The following SETBP1 variants were observed in gnomAD, a reference collection of about 807,000 sequenced individuals.
SETBP1 encodes the protein SET-binding protein.
Under a neutral mutation model 101.0 loss-of-function variants are expected in SETBP1, and 9 were observed. That is an observed-to-expected ratio of 0.09 (90% CI 0.05 to 0.16). The LOEUF (loss-of-function observed/expected upper bound fraction) is 0.16. Ranked by LOEUF, SETBP1 falls within the 10% of genes least tolerant of loss-of-function variation. The probability of loss-of-function intolerance (pLI) is 1.00; values close to 1 mark genes in which losing one functional copy is unlikely to be tolerated. For missense variants in SETBP1, 1,858 were observed against 2,033.8 expected, an observed-to-expected ratio of 0.91 and a Z score of 1.66; for synonymous variants, 818 against 788.5, an observed-to-expected ratio of 1.04 and a Z score of -0.63.
At chr18:44,888,621 C>T (rs906358767) in intron 3 of SETBP1, among the ~76,000 whole-genome samples, 5 of 152,074 alleles carry the variant, frequency 3.3e-5, no homozygotes. Flanking sequence ...AGGCCTAATA[C>T]CTCTCTATTA....
intron 2 of SETBP1, among the ~76,000 whole-genome samples, chr18:44,832,478 C>T (rs1407738291): frequency 6.6e-6 from 1 of 152,210 alleles, no homozygotes; most frequent in East Asian, 1.9e-4. Flanking sequence ...GCAGTCAGGG[C>T]GAGCCCCTCT....
chr18:44,925,103 A>ATTT (rs759704941), intron 3 of SETBP1, among the ~76,000 whole-genome samples: 3 of 86,192 alleles, frequency 3.5e-5, no homozygotes, highest in Non-Finnish European at 6.9e-5. Context: ...TTCTGCCTGG[A>ATTT]TTTTTTTTTT....
At chr18:45,036,444 C>T (rs971597432) in intron 4 of SETBP1, among the ~76,000 whole-genome samples, 1 of 151,976 alleles carries the variant, frequency 6.6e-6, no homozygotes, top group African/African-American at 2.4e-5. Flanking sequence ...TGTCGCTTTA[C>T]AAATGATTTT....
chr18:44,810,304 A>C (rs954315730), intron 2 of SETBP1, among the ~76,000 whole-genome samples: 1 of 152,224 alleles, frequency 6.6e-6, no homozygotes, highest in Admixed American at 6.5e-5. Context: ...ACACCCATCT[A>C]ACATTGGGAA....
At chr18:44,757,136 A>AT (rs2070515281) in intron 2 of SETBP1, among the ~76,000 whole-genome samples, 1 of 151,974 alleles carries the variant, frequency 6.6e-6, no homozygotes, top group South Asian at 2.1e-4. Context: ...CCCCTATGAT[A>AT]TTGTCAACAG....
At chr18:44,705,973 A>G (rs1231605420) in intron 2 of SETBP1, among the ~76,000 whole-genome samples, 1 of 152,070 alleles carries the variant, frequency 6.6e-6, no homozygotes, top group Non-Finnish European at 1.5e-5. Context: ...TAAAACTAGG[A>G]TAGGAATTGA....
chr18:44,707,728 A>AG (rs1356065402), intron 2 of SETBP1, among the ~76,000 whole-genome samples: 1 of 152,216 alleles, frequency 6.6e-6, no homozygotes, highest in Non-Finnish European at 1.5e-5. Flanking sequence ...ATGGGAAGAG[A>AG]GGTTGGCATT....
chr18:44,805,918 T>C (rs919181179), intron 2 of SETBP1, among the ~76,000 whole-genome samples: 1 of 152,100 alleles, frequency 6.6e-6, no homozygotes, highest in African/African-American at 2.4e-5. Flanking sequence ...TCCAGCCTCA[T>C]TGTTCTATGC....
At chr18:44,727,219 T>TGTGTGTG (rs1555673193) in intron 2 of SETBP1, among the ~76,000 whole-genome samples, 3 of 151,280 alleles carry the variant, frequency 2.0e-5, no homozygotes, top group Admixed American at 6.6e-5. Context: ...TGTGTGTGTG[T>TGTGTGTG]TGATACCCAA....
chr18:44,949,876 C>T lies in SETBP1; in HGVS notation c.541-5C>T, dbSNP rs1241688589. 5 of 1,611,312 alleles carry T rather than the reference C, an allele frequency of 3.1e-6. No individual in the cohort carries two copies. Among genetic ancestry groups the T allele is most frequent in the African/African-American group, 1.3e-5 (1 of 74,886 alleles). On this transcript the variant is annotated splice_region_variant and splice_polypyrimidine_tract_variant and intron_variant, in intron 3 of 5. Transcript: ENST00000649279. ...TCTCTCCCTCTCCACTCCACCCACC[C>T]TTAGGCTTACGAGAGGCCCCAGAAA...
At chr18:45,050,127 G>A (rs1372614908) in intron 5 of SETBP1, among the ~76,000 whole-genome samples, 1 of 152,222 alleles carries the variant, frequency 6.6e-6, no homozygotes, top group African/African-American at 2.4e-5. Flanking sequence ...ACAATTAAAT[G>A]AGGAAATACA....
intron 1 of SETBP1, 73 bp downstream of exon 1, chr18:44,681,094 C>G (rs2068752900): frequency 1.3e-5 from 2 of 152,186 alleles, no homozygotes; most frequent in East Asian, 1.9e-4. Context: ...ATTTGAGTCT[C>G]TTTCTTGTGC....
chr18:45,026,003 A>T (rs1467754703), intron 4 of SETBP1, among the ~76,000 whole-genome samples: 1 of 152,238 alleles, frequency 6.6e-6, no homozygotes, highest in Admixed American at 6.5e-5. Flanking sequence ...ATCAAAATGC[A>T]AATAAGGTGA....
At chr18:44,816,899 T>A (rs2071990834) in intron 2 of SETBP1, among the ~76,000 whole-genome samples, 1 of 152,212 alleles carries the variant, frequency 6.6e-6, no homozygotes, top group Non-Finnish European at 1.5e-5. Context: ...TTACTCTGAG[T>A]TGACAAGAAT....
At position 45,063,655 on chromosome 18, in the gene SETBP1, G is replaced by A. The variant is rs1187586037; in HGVS notation, c.4748G>A (p.Arg1583Lys). The change falls in exon 6 of 6, where the codon AGG (arginine) becomes AAG (lysine). Residue 1583 changes from arginine to lysine, a missense_variant. Physicochemically the swap from Arg to Lys is conservative, Grantham distance 26 (BLOSUM62 2). This residue lies in a region of SETBP1 where 178 missense variants were observed against 189.1 expected (regional missense o/e 0.94). Coordinates refer to ENST00000649279, the MANE Select transcript of SETBP1 (RefSeq NM_015559.3). ...LPQEEEVKAK[R>K]QRKSRGSESE... ...CAGGAAGAGGAGGTGAAAGCCAAAA[G>A]GCAGAGGAAGTCCCGAGGGAGTGAG... The A allele has an allele frequency of 1.2e-6, 2 of 1,608,428 alleles. No homozygotes were observed. Among genetic ancestry groups the A allele is most frequent in the African/African-American group, 1.3e-5 (1 of 74,714 alleles).
intron 1 of SETBP1, among the ~76,000 whole-genome samples, chr18:44,699,182 G>C (rs974898954): frequency 6.6e-6 from 1 of 152,116 alleles, no homozygotes; most frequent in African/African-American, 2.4e-5. Context: ...AGATTTTATA[G>C]GTAGGTATTA....
At chr18:45,022,099 T>C (rs1260597628) in intron 4 of SETBP1, among the ~76,000 whole-genome samples, 1 of 152,206 alleles carries the variant, frequency 6.6e-6, no homozygotes, top group African/African-American at 2.4e-5. Context: ...GAGCAGATTT[T>C]GTCCCAAGTT....
At chr18:45,061,803 GTAA>G (rs1353239185) in intron 5 of SETBP1, among the ~76,000 whole-genome samples, 1 of 152,180 alleles carries the variant, frequency 6.6e-6, no homozygotes, top group Admixed American at 6.5e-5. Context: ...AGGTACAAAA[GTAA>G]TAATGGGAGG....
chr18:44,968,091 T>A (rs2071759317), intron 4 of SETBP1, among the ~76,000 whole-genome samples: 1 of 152,182 alleles, frequency 6.6e-6, no homozygotes, highest in African/African-American at 2.4e-5. Flanking sequence ...ATTTTTAGAC[T>A]AGCATATGGA....
Sources: gnomAD v4.1 joint callset for allele counts (sites outside exome capture counted in the v4.1 genomes callset) on GRCh38, gnomAD v4.1.1 for gene constraint, gnomAD v4.1.1 regional missense constraint, MANE v1.5 for transcripts, NCBI Gene and HGNC (gene_info 2026-07-23, HGNC 2026-07-21) for gene names.